SHANK2: variants seen among roughly 807,000 people sequenced by gnomAD.
SHANK2 encodes the protein SH3 and multiple ankyrin repeat domains protein 2.
Under a neutral mutation model 133.7 loss-of-function variants are expected in SHANK2, and 43 were observed. The observed-to-expected ratio is 0.32, with a 90% CI of 0.25 to 0.41. SHANK2 has a LOEUF of 0.41. SHANK2 is among the 10% of genes least tolerant of loss of function. SHANK2 has a pLI of 1.00. For synonymous variants in SHANK2, 1,017 were observed against 952.8 expected, an observed-to-expected ratio of 1.07 and a Z score of -1.24; for missense variants, 1,994 against 2,235.8, an observed-to-expected ratio of 0.89 and a Z score of 2.18.
At chr11:71,141,807 C>T (rs576443032) in intron 3 of SHANK2, among the ~76,000 whole-genome samples, 3 of 152,006 alleles carry the variant, frequency 2.0e-5, no homozygotes, top group Non-Finnish European at 2.9e-5. Flanking sequence ...TGGAGCCAAA[C>T]GGAATTCACC....
chr11:70,634,281 T>C (rs988583468), intron 17 of SHANK2: 2 of 151,660 alleles, frequency 1.3e-5, no homozygotes, highest in African/African-American at 4.9e-5. Flanking sequence ...AGTGACGCGA[T>C]GCCTGGGATT....
chr11:70,529,355 A>C (rs1407558876), intron 17 of SHANK2, among the ~76,000 whole-genome samples: 1 of 152,338 alleles, frequency 6.6e-6, no homozygotes, highest in East Asian at 1.9e-4. Flanking sequence ...CCAAGGCCAC[A>C]CAGCTGGTAA....
At position 70,485,997 on chromosome 11, in the gene SHANK2, C is replaced by G. The variant is rs559537625; in HGVS notation, c.4296G>C (p.Pro1432=). ...TCTGCTTCACTAAGTCTGAGAGAGC[C>G]GGGACAGAAGCTGCCCGGTCATCGG... The part of the protein sequence containing the change: ...DIPDDRAASV[P]ALSDLVKQKK... Residue 1432 remains proline (P), a synonymous_variant, in exon 25 of 26, where the codon CCG becomes CCC. Coordinates refer to ENST00000601538, the MANE Select transcript of SHANK2 (RefSeq NM_012309.5). This position sits in a 1 kb window ranked among gnomAD's most constrained non-coding sequence, Gnocchi z 5.8. 1 of 1,614,002 alleles carries G rather than the reference C, an allele frequency of 6.2e-7. No homozygotes were observed. Among genetic ancestry groups the G allele is most frequent in the South Asian group, 1.1e-5 (1 of 91,062 alleles).
intron 1 of SHANK2, among the ~76,000 whole-genome samples, chr11:71,240,451 G>A (rs1193487687): frequency 6.6e-6 from 1 of 152,174 alleles, no homozygotes; most frequent in Non-Finnish European, 1.5e-5. Context: ...CACATCAGCA[G>A]GAAGGGGGCT....
In SHANK2 at chr11:70,882,331, A is replaced by G. The variant is rs114656428; in HGVS notation, c.1174+14170T>C. 0.022 allele frequency among the ~76,000 whole-genome samples: 3,323 copies of G among 152,294 alleles called. 110 individuals carry two copies. Among genetic ancestry groups the G allele is most frequent in the African/African-American group, 0.076 (3,164 of 41,552 alleles). ...GAGGGGCCACTGCAGTGTGGAAGGC[A>G]GGCAGAAAGGCCCCTGGGCTGTGCC... On this transcript the variant is annotated intron_variant, in intron 11 of 25. Transcript: ENST00000601538. The surrounding 1 kb of genome is among the most constrained non-coding windows in gnomAD (Gnocchi z 4.2).
chr11:70,716,053 G>A (rs2134620763), intron 14 of SHANK2, among the ~76,000 whole-genome samples: 1 of 151,280 alleles, frequency 6.6e-6, no homozygotes, highest in East Asian at 2.0e-4. Context: ...CCCCAAAACT[G>A]TCTTAGGGCT....
chr11:70,719,940 C>G (rs925278131), intron 14 of SHANK2, among the ~76,000 whole-genome samples: 18 of 152,194 alleles, frequency 1.2e-4, no homozygotes, highest in African/African-American at 3.4e-4. Context: ...ACTAGGAAGG[C>G]CAGAAGTGGG....
chr11:71,144,031 G>A (rs1952601316), intron 3 of SHANK2, among the ~76,000 whole-genome samples: 1 of 151,858 alleles, frequency 6.6e-6, no homozygotes, highest in African/African-American at 2.4e-5. Context: ...ATAACAACCA[G>A]AAAAGGATCT....
intron 1 of SHANK2, among the ~76,000 whole-genome samples, chr11:71,251,630 C>A (rs1357785881): frequency 1.3e-5 from 2 of 151,364 alleles, no homozygotes; most frequent in Non-Finnish European, 3.0e-5. Flanking sequence ...CCGGTGCCAG[C>A]TTCCTGCATA....
chr11:71,202,476 G>A (rs1019193823), intron 2 of SHANK2, among the ~76,000 whole-genome samples: 3 of 152,180 alleles, frequency 2.0e-5, no homozygotes, highest in East Asian at 1.9e-4. Context: ...GCCCCTCGGC[G>A]AGACAAGGCA....
At chr11:71,214,960 C>T (rs1380171094) in intron 2 of SHANK2, among the ~76,000 whole-genome samples, 1 of 152,178 alleles carries the variant, frequency 6.6e-6, no homozygotes. Flanking sequence ...GGAGGGAGAA[C>T]AGAATAGGGC....
At chr11:71,219,456 T>G (rs1407225642) in intron 2 of SHANK2, among the ~76,000 whole-genome samples, 1 of 152,184 alleles carries the variant, frequency 6.6e-6, no homozygotes, top group Non-Finnish European at 1.5e-5. Flanking sequence ...GAATAGACAT[T>G]TTTCTGAAGA....
At chr11:70,756,814 G>A (rs1253449529) in intron 14 of SHANK2, among the ~76,000 whole-genome samples, 3 of 152,172 alleles carry the variant, frequency 2.0e-5, no homozygotes, top group Non-Finnish European at 2.9e-5. Flanking sequence ...TTCTGGGAAC[G>A]TGTCCTCTAA....
At chr11:70,585,064 G>A (rs1554986403) in intron 17 of SHANK2, among the ~76,000 whole-genome samples, 2 of 152,226 alleles carry the variant, frequency 1.3e-5, no homozygotes, top group Non-Finnish European at 2.9e-5. Flanking sequence ...TTTTGTGTGT[G>A]GGGGCATGGT....
intron 11 of SHANK2, among the ~76,000 whole-genome samples, chr11:70,854,263 C>A (rs1555066417): frequency 1.3e-5 from 2 of 152,146 alleles, no homozygotes; most frequent in Non-Finnish European, 2.9e-5. Flanking sequence ...TCTCAAAGGT[C>A]CTTGTTGACT....
At chr11:70,589,539 C>A (rs1432113721) in intron 17 of SHANK2, among the ~76,000 whole-genome samples, 3 of 152,102 alleles carry the variant, frequency 2.0e-5, no homozygotes, top group Admixed American at 1.3e-4. Context: ...CCTGCTGACC[C>A]AACAGTCACT....
At chr11:71,212,928 G>C (rs1460676249) in intron 2 of SHANK2, among the ~76,000 whole-genome samples, 1 of 151,492 alleles carries the variant, frequency 6.6e-6, no homozygotes, top group Non-Finnish European at 1.5e-5. Flanking sequence ...CCCAGGCGGA[G>C]GCACAGGGAG....
At chr11:70,619,847 A>G (rs541202524) in intron 17 of SHANK2, among the ~76,000 whole-genome samples, 2 of 152,298 alleles carry the variant, frequency 1.3e-5, no homozygotes, top group South Asian at 4.1e-4. Flanking sequence ...GGAGGGTGAG[A>G]CGCTGCCCAG....
rs138162395 is a variant in SHANK2, at chr11:70,586,632, C to T, written c.2061+73196G>A. ...AGTACAGATCGCCAGCCTCTGGCACCGTTGCTGTGGAAACCAACTGGCAAT... is the reference window on the plus strand; with the variant it reads ...AGTACAGATCGCCAGCCTCTGGCACTGTTGCTGTGGAAACCAACTGGCAAT... On this transcript the variant is annotated intron_variant, in intron 17 of 25. Transcript: ENST00000601538. Among the ~76,000 whole-genome samples the T allele has an allele frequency of 3.9e-5, 6 of 152,334 alleles. No individual in the cohort carries two copies. The East Asian group carries it at 1.2e-3, about 29-fold the overall frequency.
Sources: allele counts gnomAD v4.1 joint callset (sites outside exome capture counted in the v4.1 genomes callset), GRCh38; gene constraint gnomAD v4.1.1; non-coding constraint Gnocchi (gnomAD v3.1); transcripts MANE v1.5; gene names NCBI Gene and HGNC (gene_info 2026-07-23, HGNC 2026-07-21).